The following PKHD1 variants were observed in gnomAD, a reference collection of about 807,000 sequenced individuals.
PKHD1 encodes fibrocystin.
In PKHD1, 291 loss-of-function variants were observed where a neutral mutation model predicts 412.0. The ratio of observed to expected loss-of-function variants is 0.71; its 90% confidence interval spans 0.64 to 0.78. The LOEUF is 0.78. Ranked by LOEUF, PKHD1 falls within the 30% of genes least tolerant of loss-of-function variation. The pLI is 0.00. For synonymous variants in PKHD1, 1,777 were observed against 1,821.5 expected (o/e 0.98, Z 0.62); for missense variants, 4,825 against 4,950.7 (o/e 0.97, Z 0.76).
chr6:51,947,562 T>C (rs1561956812), intron 36 of PKHD1, among the ~76,000 whole-genome samples: 1 of 152,178 alleles, frequency 6.6e-6, no homozygotes, highest in Non-Finnish European at 1.5e-5. Flanking sequence ...TCTAATTAAG[T>C]AGGTTGGGTA....
chr6:51,805,095 A>T (rs1763561520), intron 52 of PKHD1, among the ~76,000 whole-genome samples: 1 of 152,208 alleles, frequency 6.6e-6, no homozygotes. Context: ...TTATCACAGC[A>T]CTGCTCTCAG....
In PKHD1 at chr6:51,928,086, C is replaced by T. The variant is rs72913663; in HGVS notation, c.6121+6024G>A. Among the ~76,000 whole-genome samples, 758 of 152,248 alleles carry T rather than the reference C, an allele frequency of 5.0e-3. 5 individuals carry two copies. Among genetic ancestry groups the T allele is most frequent in the Admixed American group, 9.2e-3 (140 of 15,288 alleles). ...AAGCTTGTTAAACCTCTCACCTTAC[C>T]TCTTCCACCTGCCCCATACTGACAA... is the stretch of plus-strand genomic sequence containing the variant. On this transcript the variant is annotated intron_variant, in intron 37 of 66. Coordinates refer to ENST00000371117, the MANE Select transcript of PKHD1 (RefSeq NM_138694.4).
At chr6:51,825,587 A>G (rs1348614418) in intron 52 of PKHD1, among the ~76,000 whole-genome samples, 2 of 152,194 alleles carry the variant, frequency 1.3e-5, no homozygotes, top group African/African-American at 4.8e-5. Context: ...AAGGCAGCCA[A>G]GGTGAGCCTT....
chr6:51,693,520 T>G (rs948134136), intron 60 of PKHD1, among the ~76,000 whole-genome samples: 1 of 152,180 alleles, frequency 6.6e-6, no homozygotes, highest in Non-Finnish European at 1.5e-5. Flanking sequence ...TAAACCTAAA[T>G]AGTCCATGTT....
chr6:51,832,101 A>C (rs1481150524), intron 51 of PKHD1, among the ~76,000 whole-genome samples: 1 of 152,160 alleles, frequency 6.6e-6, no homozygotes, highest in African/African-American at 2.4e-5. Context: ...GTAGGGATAC[A>C]AAAAGAAATA....
rs1376228963 is a variant in PKHD1, at chr6:51,877,363, A to C, written c.7350+5730T>G. Among the ~76,000 whole-genome samples, 16 of 50,620 alleles carry C rather than the reference A, an allele frequency of 3.2e-4. 1 individual carries two copies. The highest frequency in any genetic ancestry group is 1.4e-3 in the South Asian group (1 of 706). The allele number at this position is 50,620 out of a possible 152,430, so 33.2% of individuals were successfully genotyped here. A position where few individuals can be genotyped will look rare whatever the true frequency, so the allele number is the denominator to read the frequency against. On this transcript the variant is annotated intron_variant, in intron 46 of 66. Coordinates refer to ENST00000371117, the MANE Select transcript of PKHD1 (RefSeq NM_138694.4). ...TTCCAAAATTGACCACATAGTTGGA[A>C]GTAAAGCTCTCCTCAGCAAATGTAA... is the stretch of plus-strand genomic sequence containing the variant.
At chr6:52,028,776 G>A (rs1036627928) in intron 29 of PKHD1, among the ~76,000 whole-genome samples, 1 of 152,182 alleles carries the variant, frequency 6.6e-6, no homozygotes, top group African/African-American at 2.4e-5. Flanking sequence ...CCTCCCACAG[G>A]GCTGGGATTA....
At chr6:51,867,100 A>G (rs1775192151) in intron 48 of PKHD1, among the ~76,000 whole-genome samples, 1 of 152,192 alleles carries the variant, frequency 6.6e-6, no homozygotes, top group Non-Finnish European at 1.5e-5. Flanking sequence ...TAAGAGGCCA[A>G]TGAGGTCTGA....
intron 52 of PKHD1, among the ~76,000 whole-genome samples, chr6:51,819,539 T>C (rs1766032159): frequency 6.6e-6 from 1 of 152,114 alleles, no homozygotes; most frequent in Non-Finnish European, 1.5e-5. Context: ...TCTCTGAATG[T>C]TTCCTATAGC....
intron 48 of PKHD1, among the ~76,000 whole-genome samples, chr6:51,858,938 C>G (rs2151706814): frequency 6.6e-6 from 1 of 152,158 alleles, no homozygotes; most frequent in East Asian, 1.9e-4. Context: ...ACAATCAACC[C>G]CATATCAGTA....
intron 34 of PKHD1, among the ~76,000 whole-genome samples, chr6:52,013,368 C>T (rs942000941): frequency 4.6e-5 from 7 of 152,202 alleles, no homozygotes; most frequent in African/African-American, 1.7e-4. Flanking sequence ...CCAGCTTCAG[C>T]TCACACTTTT....
At chr6:51,687,489 A>G (rs1462695185) in intron 60 of PKHD1, among the ~76,000 whole-genome samples, 1 of 152,204 alleles carries the variant, frequency 6.6e-6, no homozygotes, top group African/African-American at 2.4e-5. Context: ...TTAAATATCC[A>G]TAGACACCCA....
At chr6:52,000,853 G>A (rs757624085) in intron 35 of PKHD1, among the ~76,000 whole-genome samples, 1 of 152,100 alleles carries the variant, frequency 6.6e-6, no homozygotes, top group African/African-American at 2.4e-5. Flanking sequence ...GAGAGGAGCA[G>A]GCTAATATCA....
intron 25 of PKHD1, 99 bp from the exon 26 acceptor site, chr6:52,043,829 A>G: frequency 3.8e-6 from 3 of 784,636 alleles, no homozygotes; most frequent in East Asian, 2.6e-5. Context: ...ACACGTGTTC[A>G]TGATTCGCTA....
intron 61 of PKHD1, among the ~76,000 whole-genome samples, chr6:51,653,973 G>C (rs774907230): frequency 2.6e-5 from 4 of 152,122 alleles, no homozygotes; most frequent in African/African-American, 4.8e-5. Flanking sequence ...AGCCTGGGGA[G>C]CTGTAGCAGT....
At chr6:51,671,660 T>C (rs1485495851) in intron 60 of PKHD1, among the ~76,000 whole-genome samples, 1 of 152,174 alleles carries the variant, frequency 6.6e-6, no homozygotes, top group Non-Finnish European at 1.5e-5. Context: ...TGCTCTGTTT[T>C]TTCCCCATCT....
intron 60 of PKHD1, among the ~76,000 whole-genome samples, chr6:51,675,979 C>T (rs1192017238): frequency 6.6e-6 from 1 of 152,054 alleles, no homozygotes; most frequent in Non-Finnish European, 1.5e-5. Flanking sequence ...ATGCTCTGTC[C>T]ACCTTTCCCT....
intron 53 of PKHD1, among the ~76,000 whole-genome samples, chr6:51,784,880 T>C (rs1288046211): frequency 3.9e-5 from 6 of 152,200 alleles, no homozygotes; most frequent in Non-Finnish European, 7.3e-5. Flanking sequence ...TGATGTCACA[T>C]TGACTTGTTA....
At chr6:51,742,158 T>C (rs1303661888) in intron 60 of PKHD1, among the ~76,000 whole-genome samples, 2 of 152,206 alleles carry the variant, frequency 1.3e-5, no homozygotes, top group Non-Finnish European at 1.5e-5. Flanking sequence ...ATTTTCTCAG[T>C]ATAAATGTGT....
Sources: allele counts gnomAD v4.1 joint callset (sites outside exome capture counted in the v4.1 genomes callset), GRCh38; gene constraint gnomAD v4.1.1; transcripts MANE v1.5; gene names NCBI Gene and HGNC (gene_info 2026-07-23, HGNC 2026-07-21).